The following SPDYE10 variants were observed in gnomAD, a reference collection of about 807,000 sequenced individuals.
SPDYE10 encodes the protein speedy protein E10.
chr7:73,114,902 A>ATTTTT, the SPDYE10 span, among the ~76,000 whole-genome samples: 1 of 94,070 alleles, frequency 1.1e-5, no homozygotes. Context: ...GGGTCATCTG[A>ATTTTT]TTTTTTTTTT....
the SPDYE10 span, among the ~76,000 whole-genome samples, chr7:73,150,907 A>AAAAAAAT: frequency 3.5e-4 from 4 of 11,572 alleles, no homozygotes; most frequent in African/African-American, 1.0e-3. Flanking sequence ...AAAAAAAAAA[A>AAAAAAAT]ATATATATAT....
At chr7:73,123,789 CTCTCT>C in the SPDYE10 span, among the ~76,000 whole-genome samples, 25 of 38,802 alleles carry the variant, frequency 6.4e-4, no homozygotes, top group Admixed American at 2.9e-3. Flanking sequence ...CTCTCTCTCC[CTCTCT>C]CTCTCTCTCT....
chr7:73,114,507 T>C, the SPDYE10 span, among the ~76,000 whole-genome samples: 1 of 150,630 alleles, frequency 6.6e-6, no homozygotes, highest in Non-Finnish European at 1.5e-5. Context: ...GTAAATCAGA[T>C]CATGTCACTC....
At chr7:73,152,016 G>C in the SPDYE10 span, among the ~76,000 whole-genome samples, 1 of 150,516 alleles carries the variant, frequency 6.6e-6, no homozygotes, top group Admixed American at 6.6e-5. Flanking sequence ...TTTGTTTTTT[G>C]TGTTTTTTTT....
At chr7:73,141,290 A>C in the SPDYE10 span, among the ~76,000 whole-genome samples, 1 of 151,950 alleles carries the variant, frequency 6.6e-6, no homozygotes, top group African/African-American at 2.4e-5. Context: ...TGGGAGTCTG[A>C]GGCGGGCAGA....
At chr7:73,150,948 A>ATTTT in the SPDYE10 span, among the ~76,000 whole-genome samples, 15 of 4,940 alleles carry the variant, frequency 3.0e-3, 1 homozygote, top group East Asian at 0.032. Context: ...ATATATATAT[A>ATTTT]TTTTTTTTTT....
At chr7:73,147,742 G>T in the SPDYE10 span, among the ~76,000 whole-genome samples, 2 of 151,416 alleles carry the variant, frequency 1.3e-5, no homozygotes, top group African/African-American at 4.9e-5. Context: ...CGATCCACCT[G>T]CCTCAGCCTC....
At chr7:73,123,824 T>TCTCTCTCTCTCTCTCTCC in the SPDYE10 span, among the ~76,000 whole-genome samples, 1 of 150,682 alleles carries the variant, frequency 6.6e-6, no homozygotes, top group African/African-American at 2.5e-5. Context: ...TCTCTCTCTC[T>TCTCTCTCTCTCTCTCTCC]CTCTGGCTGG....
the SPDYE10 span, among the ~76,000 whole-genome samples, chr7:73,128,569 G>A: frequency 1.3e-5 from 2 of 150,626 alleles, no homozygotes; most frequent in Admixed American, 6.6e-5. Context: ...GTATCTCAAC[G>A]GCTTTTTTTT....
the SPDYE10 span, among the ~76,000 whole-genome samples, chr7:73,120,845 T>C: frequency 6.6e-6 from 1 of 151,932 alleles, no homozygotes; most frequent in East Asian, 1.9e-4. Flanking sequence ...TGTCACTTTT[T>C]TTTGAGACAG....
the SPDYE10 span, among the ~76,000 whole-genome samples, chr7:73,135,074 C>T: frequency 3.3e-5 from 5 of 152,392 alleles, no homozygotes; most frequent in East Asian, 9.6e-4. Flanking sequence ...CCTAGTGTTC[C>T]CTCACTGATC....
chr7:73,142,445 C>T, the SPDYE10 span, among the ~76,000 whole-genome samples: 1 of 151,336 alleles, frequency 6.6e-6, no homozygotes, highest in East Asian at 1.9e-4. Context: ...AAACTCCTGG[C>T]CTCGAGCGAT....
the SPDYE10 span, among the ~76,000 whole-genome samples, chr7:73,134,561 G>GAAAGAAAGAAAGAAAGAAAGAAAGAA: frequency 2.0e-5 from 3 of 152,068 alleles, no homozygotes; most frequent in Non-Finnish European, 4.4e-5. Flanking sequence ...AAGAAAGAAA[G>GAAAGAAAGAAAGAAAGAAAGAAAGAA]AAAGAAACCG....
At chr7:73,115,140 C>A in the SPDYE10 span, among the ~76,000 whole-genome samples, 1 of 151,826 alleles carries the variant, frequency 6.6e-6, no homozygotes, top group African/African-American at 2.4e-5. Context: ...AGATGAACCA[C>A]CCGCCTCAGC....
At chr7:73,104,528 A>G in the SPDYE10 span, 1 of 101,924 alleles carries the variant, frequency 9.8e-6, no homozygotes, top group Non-Finnish European at 2.2e-5. Flanking sequence ...ATAAATAAAT[A>G]TATTTAATAA....
chr7:73,150,944 A>AT, the SPDYE10 span, among the ~76,000 whole-genome samples: 7 of 15,820 alleles, frequency 4.4e-4, no homozygotes, highest in African/African-American at 2.1e-3. Flanking sequence ...ATATATATAT[A>AT]TATATTTTTT....
chr7:73,137,891 GAGGGGAAGGGGAGGGGAAGGGA>G, the SPDYE10 span, among the ~76,000 whole-genome samples: 14 of 119,202 alleles, frequency 1.2e-4, no homozygotes, highest in East Asian at 1.2e-3. Context: ...AGGGGAAGGA[GAGGGGAAGGGGAGGGGAAGGGA>G]AGGGGAAGGG....
At chr7:73,126,566 G>A in the SPDYE10 span, among the ~76,000 whole-genome samples, 23 of 127,668 alleles carry the variant, frequency 1.8e-4, 1 homozygote, top group Non-Finnish European at 2.9e-4. Flanking sequence ...AGTCATACAA[G>A]TCCTCAAATC....
At chr7:73,123,487 A>G in the SPDYE10 span, among the ~76,000 whole-genome samples, 1 of 152,174 alleles carries the variant, frequency 6.6e-6, no homozygotes, top group Non-Finnish European at 1.5e-5. Context: ...GTTTTTTTAG[A>G]TGGAGTTTTG....
Sources: gnomAD v4.1 joint callset for allele counts (sites outside exome capture counted in the v4.1 genomes callset) on GRCh38, gnomAD v4.1.1 for gene constraint, MANE v1.5 for transcripts, NCBI Gene and HGNC (gene_info 2026-07-23, HGNC 2026-07-21) for gene names.